The following CADM2 variants were observed in gnomAD, a reference collection of about 807,000 sequenced individuals.
CADM2 encodes the protein immunoglobulin superfamily member 4D.
CADM2 carries 12 observed loss-of-function variants against 49.8 expected under a neutral mutation model. The observed-to-expected ratio is 0.24, with a 90% CI of 0.15 to 0.39. CADM2 has a LOEUF of 0.39. CADM2 is among the 10% of genes least tolerant of loss of function. The pLI is 1.00. For synonymous variants in CADM2, 214 were observed against 175.4 expected, an observed-to-expected ratio of 1.22 and a Z score of -1.74; for missense variants, 378 against 492.3, an observed-to-expected ratio of 0.77 and a Z score of 2.20.
chr3:85,946,116 G>A lies in CADM2; in HGVS notation c.791+10259G>A, dbSNP rs1201035542. 7.9e-5 allele frequency among the ~76,000 whole-genome samples: 12 copies of A among 152,114 alleles called. No homozygotes were observed. In the East Asian group the frequency reaches 2.1e-3, roughly 27 times the overall value. On this transcript the variant is annotated intron_variant, in intron 7 of 9. Transcript: ENST00000383699. ...CAAAATCAATGTACAAAAATCACAA[G>A]CATTCTTATATACCAATAACAGACA...
intron 1 of CADM2, among the ~76,000 whole-genome samples, chr3:84,972,953 C>T (rs930888648): frequency 6.6e-6 from 1 of 152,092 alleles, no homozygotes; most frequent in East Asian, 1.9e-4. Context: ...CTTGCTCTGT[C>T]GCCCAGGCTA....
intron 1 of CADM2, among the ~76,000 whole-genome samples, chr3:85,442,188 C>T (rs1026666603): frequency 7.9e-5 from 12 of 151,968 alleles, no homozygotes; most frequent in African/African-American, 2.9e-4. Context: ...TTATATTTTC[C>T]TTGTTCTCTC....
chr3:85,371,592 T>C (rs1408750420), intron 1 of CADM2, among the ~76,000 whole-genome samples: 1 of 147,284 alleles, frequency 6.8e-6, no homozygotes. Flanking sequence ...AGAACCTATC[T>C]TCATCATAAT....
At chr3:85,331,557 A>G (rs2044927424) in intron 1 of CADM2, among the ~76,000 whole-genome samples, 1 of 151,724 alleles carries the variant, frequency 6.6e-6, no homozygotes, top group African/African-American at 2.4e-5. Flanking sequence ...TTTTGAGAGA[A>G]AAATAATAAG....
chr3:85,685,485 A>G (rs1035380751), intron 1 of CADM2, among the ~76,000 whole-genome samples: 1 of 152,170 alleles, frequency 6.6e-6, no homozygotes, highest in Non-Finnish European at 1.5e-5. Context: ...TATGTAGGAA[A>G]TCTTTGAACT....
chr3:85,910,463 TA>T (rs1055072504), intron 5 of CADM2, among the ~76,000 whole-genome samples: 9 of 152,134 alleles, frequency 5.9e-5, no homozygotes, highest in African/African-American at 2.2e-4. Context: ...TATTGTGACA[TA>T]TTTTTTCTGA....
chr3:85,285,607 T>C (rs1431342632), intron 1 of CADM2, among the ~76,000 whole-genome samples: 1 of 152,026 alleles, frequency 6.6e-6, no homozygotes, highest in African/African-American at 2.4e-5. Flanking sequence ...GAATAAAATA[T>C]GGTTGCAAAA....
intron 1 of CADM2, among the ~76,000 whole-genome samples, chr3:85,054,629 A>G (rs1347785809): frequency 6.6e-6 from 1 of 151,924 alleles, no homozygotes; most frequent in East Asian, 1.9e-4. Flanking sequence ...TACTAGTCGA[A>G]AAGGAGAAAT....
chr3:85,703,679 CAGG>C (rs1262320704), intron 1 of CADM2, among the ~76,000 whole-genome samples: 1 of 152,062 alleles, frequency 6.6e-6, no homozygotes, highest in African/African-American at 2.4e-5. Flanking sequence ...GGTTCCTAGA[CAGG>C]AGGAGAGAAA....
At chr3:85,111,328 C>G (rs2038448925) in intron 1 of CADM2, among the ~76,000 whole-genome samples, 1 of 151,744 alleles carries the variant, frequency 6.6e-6, no homozygotes, top group Admixed American at 6.6e-5. Flanking sequence ...TTAAAAAATA[C>G]TGGCTTTACT....
intron 1 of CADM2, among the ~76,000 whole-genome samples, chr3:85,092,444 G>A (rs967671937): frequency 3.9e-5 from 6 of 151,922 alleles, no homozygotes. Context: ...TTTAGAGAAA[G>A]ATATATATAT....
chr3:85,308,224 C>A (rs1271601940), intron 1 of CADM2, among the ~76,000 whole-genome samples: 2 of 151,290 alleles, frequency 1.3e-5, no homozygotes, highest in Non-Finnish European at 3.0e-5. Flanking sequence ...GGTTTTGGAA[C>A]AATCCTACCA....
chr3:85,103,523 C>A (rs1575870061), intron 1 of CADM2, among the ~76,000 whole-genome samples: 3 of 152,064 alleles, frequency 2.0e-5, no homozygotes, highest in South Asian at 4.1e-4. Context: ...GGCATGTTCA[C>A]AAATAAGAAA....
At chr3:85,496,970 A>T (rs756740587) in intron 1 of CADM2, among the ~76,000 whole-genome samples, 1 of 152,154 alleles carries the variant, frequency 6.6e-6, no homozygotes, top group African/African-American at 2.4e-5. Context: ...CAGCCTCCCA[A>T]GTAGCTGGGA....
At position 85,541,359 on chromosome 3, in the gene CADM2, T is replaced by G. The variant is rs1303652976; in HGVS notation, c.62-185163T>G. 2.6e-5 allele frequency among the ~76,000 whole-genome samples: 4 copies of G among 151,806 alleles called. No individual in the cohort carries two copies. The East Asian group carries it at 5.8e-4, about 22-fold the overall frequency. Reference sequence around the variant, plus strand: ...ACATTATATTCACAAATATTGAATGTAAATTGAATTCAAAATTGAATGAAT... The same window carrying G: ...ACATTATATTCACAAATATTGAATGGAAATTGAATTCAAAATTGAATGAAT... On this transcript the variant is annotated intron_variant, in intron 1 of 9. Coordinates refer to ENST00000383699, the MANE Select transcript of CADM2 (RefSeq NM_001167675.2).
At chr3:85,760,987 C>A (rs2069343257) in intron 2 of CADM2, among the ~76,000 whole-genome samples, 1 of 152,118 alleles carries the variant, frequency 6.6e-6, no homozygotes, top group Non-Finnish European at 1.5e-5. Context: ...ACGCATGAGT[C>A]CTACTGTTAG....
chr3:85,227,979 C>G (rs956789559), intron 1 of CADM2, among the ~76,000 whole-genome samples: 2 of 152,150 alleles, frequency 1.3e-5, no homozygotes, highest in African/African-American at 2.4e-5. Context: ...TCTCTTCTGG[C>G]TTATAGAGTT....
intron 2 of CADM2, among the ~76,000 whole-genome samples, chr3:85,772,014 T>C (rs911999663): frequency 6.7e-6 from 1 of 148,520 alleles, no homozygotes; most frequent in Non-Finnish European, 1.5e-5. Flanking sequence ...CTTTCTTTTT[T>C]TTTTTTTTTT....
At chr3:85,732,834 G>A (rs1463734363) in intron 2 of CADM2, among the ~76,000 whole-genome samples, 1 of 152,078 alleles carries the variant, frequency 6.6e-6, no homozygotes, top group Non-Finnish European at 1.5e-5. Context: ...ATGAGTAAGA[G>A]GCAGGGCAAA....
Sources: gnomAD v4.1 joint callset for allele counts (sites outside exome capture counted in the v4.1 genomes callset) on GRCh38, gnomAD v4.1.1 for gene constraint, MANE v1.5 for transcripts, NCBI Gene and HGNC (gene_info 2026-07-23, HGNC 2026-07-21) for gene names.